Variants in COP1 observed in about 807,000 individuals in gnomAD.
COP1 encodes the protein COP1 E3 ubiquitin ligase, also known as E3 ubiquitin-protein ligase COP1.
In COP1, 24 loss-of-function variants were observed where a neutral mutation model predicts 101.3. The observed-to-expected ratio is 0.24, with a 90% CI of 0.17 to 0.33. COP1 has a LOEUF of 0.33. Among genes scored for constraint, COP1 ranks in the 10% least tolerant of loss-of-function variants. The pLI is 1.00. For synonymous variants in COP1, 347 were observed against 341.9 expected (o/e 1.01, Z -0.17); for missense variants, 663 against 906.2 (o/e 0.73, Z 3.45).
At chr1:176,188,592 G>A (rs549586038) in intron 1 of COP1, among the ~76,000 whole-genome samples, 2 of 152,008 alleles carry the variant, frequency 1.3e-5, no homozygotes, top group Non-Finnish European at 2.9e-5. Context: ...TCATATCTCT[G>A]TGTCACATTT....
At chr1:176,188,131 A>T (rs1312705841) in intron 1 of COP1, among the ~76,000 whole-genome samples, 2 of 152,018 alleles carry the variant, frequency 1.3e-5, no homozygotes, top group Non-Finnish European at 2.9e-5. Context: ...GCCTCCACAA[A>T]CATGAGAAAT....
At chr1:175,967,247 G>A (rs1382757495) in intron 18 of COP1, among the ~76,000 whole-genome samples, 1 of 152,130 alleles carries the variant, frequency 6.6e-6, no homozygotes, top group African/African-American at 2.4e-5. Flanking sequence ...CCTGACCTCA[G>A]GTGATCCACC....
intron 9 of COP1, among the ~76,000 whole-genome samples, chr1:176,103,274 C>T (rs1000311290): frequency 2.6e-5 from 4 of 152,188 alleles, no homozygotes; most frequent in African/African-American, 9.7e-5. Context: ...CCCACAAAGC[C>T]TTAGGATAAG....
intron 8 of COP1, among the ~76,000 whole-genome samples, chr1:176,120,640 T>C (rs1157346960): frequency 6.6e-6 from 1 of 152,216 alleles, no homozygotes; most frequent in Non-Finnish European, 1.5e-5. Flanking sequence ...GAAATTCTGC[T>C]ATGCAAGTAG....
chr1:176,074,549 A>G (rs1013289972), intron 11 of COP1, among the ~76,000 whole-genome samples: 1 of 152,174 alleles, frequency 6.6e-6, no homozygotes. Context: ...AAAATTTCTT[A>G]TATTAGTCTA....
intron 18 of COP1, among the ~76,000 whole-genome samples, chr1:175,965,499 A>T (rs910102393): frequency 6.6e-6 from 1 of 152,006 alleles, no homozygotes; most frequent in South Asian, 2.1e-4. Flanking sequence ...AGCACTTTCT[A>T]GTACATCTTT....
intron 15 of COP1, among the ~76,000 whole-genome samples, chr1:176,002,796 G>A (rs1662060483): frequency 1.3e-5 from 2 of 150,456 alleles, no homozygotes; most frequent in South Asian, 2.1e-4. Flanking sequence ...TTGCTATTGT[G>A]AATAATGCCA....
At chr1:176,127,297 T>C (rs1003719467) in intron 8 of COP1, among the ~76,000 whole-genome samples, 4 of 152,166 alleles carry the variant, frequency 2.6e-5, no homozygotes, top group East Asian at 1.9e-4. Flanking sequence ...AACACCAGAA[T>C]TGATTCTTCC....
chr1:175,974,870 G>A (rs1571331938), intron 18 of COP1, among the ~76,000 whole-genome samples: 1 of 141,532 alleles, frequency 7.1e-6, no homozygotes, highest in East Asian at 2.2e-4. Flanking sequence ...AGGCTGCAAT[G>A]AGCCATGGCT....
At chr1:176,129,966 TTAA>T (rs1688632088) in intron 8 of COP1, among the ~76,000 whole-genome samples, 1 of 151,884 alleles carries the variant, frequency 6.6e-6, no homozygotes, top group South Asian at 2.1e-4. Context: ...CTTCATAGGC[TTAA>T]TAATAAGTTA....
chr1:175,951,663 C>T (rs1259783756), intron 18 of COP1, among the ~76,000 whole-genome samples: 1 of 151,452 alleles, frequency 6.6e-6, no homozygotes, highest in African/African-American at 2.4e-5. Context: ...TTCTGGACCA[C>T]AAAGCAGGTA....
intron 15 of COP1, among the ~76,000 whole-genome samples, chr1:176,023,461 G>A (rs552851817): frequency 6.6e-6 from 1 of 152,312 alleles, no homozygotes; most frequent in Admixed American, 6.5e-5. Context: ...GCTCACGCCT[G>A]TAATCCCAGC....
At chr1:175,964,633 T>A (rs774608896) in intron 18 of COP1, among the ~76,000 whole-genome samples, 2 of 152,226 alleles carry the variant, frequency 1.3e-5, no homozygotes, top group Non-Finnish European at 2.9e-5. Flanking sequence ...CTTCTTAAAG[T>A]GTGCCCACTA....
intron 18 of COP1, among the ~76,000 whole-genome samples, chr1:175,969,824 C>T (rs1229622283): frequency 1.3e-5 from 2 of 152,032 alleles, no homozygotes; most frequent in Admixed American, 6.5e-5. Context: ...TACTAAAATA[C>T]TATATAACCT....
At chr1:176,007,650 C>G (rs1401105076) in intron 15 of COP1, among the ~76,000 whole-genome samples, 2 of 151,968 alleles carry the variant, frequency 1.3e-5, no homozygotes, top group Non-Finnish European at 2.9e-5. Context: ...CCCAGTTAGG[C>G]TGCTCAGGGG....
chr1:176,119,006 T>C (rs1686663270), intron 8 of COP1, among the ~76,000 whole-genome samples: 2 of 152,204 alleles, frequency 1.3e-5, no homozygotes, highest in South Asian at 4.1e-4. Flanking sequence ...TTCTTAACAA[T>C]TCCTATAGCA....
intron 15 of COP1, among the ~76,000 whole-genome samples, chr1:176,007,405 AG>A: frequency 6.6e-6 from 1 of 152,300 alleles, no homozygotes; most frequent in Non-Finnish European, 1.5e-5. Context: ...GTTCCTTTGG[AG>A]GAAGAGAGGC....
intron 11 of COP1, among the ~76,000 whole-genome samples, chr1:176,077,460 G>A (rs1257700279): frequency 6.6e-6 from 1 of 152,104 alleles, no homozygotes; most frequent in Non-Finnish European, 1.5e-5. Flanking sequence ...ATCCCGTCAT[G>A]ATAACAACCC....
chr1:176,019,690 G>A lies in COP1; in HGVS notation c.1729+7882C>T, dbSNP rs774565499. ...ACCCTGGGTAACATAGTGAAAATAC[G>A]TTTTTCCAAAAAATATGAACATTAG... On this transcript the variant is annotated intron_variant, in intron 15 of 19. Transcript: ENST00000367669. 8.6e-5 allele frequency among the ~76,000 whole-genome samples: 13 copies of A among 151,702 alleles called. No homozygotes were observed. The South Asian group carries it at 2.7e-3, about 32-fold the overall frequency.
Sources: allele counts gnomAD v4.1 joint callset (sites outside exome capture counted in the v4.1 genomes callset), GRCh38; gene constraint gnomAD v4.1.1; transcripts MANE v1.5; gene names NCBI Gene and HGNC (gene_info 2026-07-23, HGNC 2026-07-21).